Variants in ROBO2 observed in about 807,000 individuals in gnomAD.
The protein encoded by ROBO2 is roundabout homolog 2.
Under a neutral mutation model 160.8 loss-of-function variants are expected in ROBO2, and 53 were observed. The observed-to-expected ratio is 0.33, with a 90% CI of 0.26 to 0.41. The LOEUF (loss-of-function observed/expected upper bound fraction) is 0.41. Among genes scored for constraint, ROBO2 ranks in the 10% least tolerant of loss-of-function variants. ROBO2 has a pLI of 1.00. For synonymous variants in ROBO2, 664 were observed against 611.7 expected (o/e 1.09, Z -1.26); for missense variants, 1,577 against 1,722.4 (o/e 0.92, Z 1.49).
chr3:76,163,075 C>T (rs553108694), intron 2 of ROBO2, among the ~76,000 whole-genome samples: 31 of 152,134 alleles, frequency 2.0e-4, no homozygotes, highest in East Asian at 5.8e-4. Flanking sequence ...TAAAACATTT[C>T]GAGTCTTTCT....
Position 76,709,480 on chromosome 3 carries a change from A to C in ROBO2, c.110-388534A>C, listed in dbSNP as rs78435264. Among the ~76,000 whole-genome samples the C allele has an allele frequency of 3.1e-3, 466 of 152,292 alleles. 1 individual carries two copies. Among genetic ancestry groups the C allele is most frequent in the African/African-American group, 0.011 (449 of 41,554 alleles). Reference sequence around the variant, plus strand: ...TCTTCAGAATCTCCAGAAGATTTTCACTTGTATCTCACCGGCCAGAACTGT... The same window carrying C: ...TCTTCAGAATCTCCAGAAGATTTTCCCTTGTATCTCACCGGCCAGAACTGT... On this transcript the variant is annotated intron_variant, in intron 2 of 26. Coordinates refer to the ROBO2 transcript ENST00000487694.
At chr3:77,313,926 T>G (rs2153424595) in intron 2 of ROBO2, among the ~76,000 whole-genome samples, 1 of 152,338 alleles carries the variant, frequency 6.6e-6, no homozygotes, top group East Asian at 1.9e-4. Context: ...AAAAAAGGTC[T>G]AAGGTCTACC....
At chr3:77,023,553 A>T (rs1171778422) in intron 2 of ROBO2, among the ~76,000 whole-genome samples, 1 of 152,244 alleles carries the variant, frequency 6.6e-6, no homozygotes, top group Non-Finnish European at 1.5e-5. Context: ...GGACAAAAGT[A>T]TGTAGTGATG....
chr3:76,652,434 G>A (rs1439139951), intron 2 of ROBO2, among the ~76,000 whole-genome samples: 5 of 152,092 alleles, frequency 3.3e-5, no homozygotes, highest in Non-Finnish European at 7.4e-5. Flanking sequence ...TTTTATAAGG[G>A]AAAAGCTGAG....
chr3:75,974,574 A>G lies in ROBO2; in HGVS notation c.109+36972A>G, dbSNP rs188024242. ...ATCAACAGACAATTTAACTTTATGA[A>G]TTATGGCTTGTCTTGTAATTCTATG... On this transcript the variant is annotated intron_variant, in intron 2 of 26. Coordinates refer to the ROBO2 transcript ENST00000487694. 4.1e-3 allele frequency among the ~76,000 whole-genome samples: 628 copies of G among 151,760 alleles called. 4 individuals carry two copies. The highest frequency in any genetic ancestry group is 0.014 in the Middle Eastern group (4 of 294).
chr3:76,318,114 A>C (rs1036623838), intron 2 of ROBO2, among the ~76,000 whole-genome samples: 1 of 152,084 alleles, frequency 6.6e-6, no homozygotes, highest in African/African-American at 2.4e-5. Context: ...TTTAATGACA[A>C]ATAGGGAAAA....
intron 2 of ROBO2, among the ~76,000 whole-genome samples, chr3:76,862,220 G>C (rs991386195): frequency 2.6e-5 from 4 of 152,108 alleles, no homozygotes; most frequent in Non-Finnish European, 5.9e-5. Context: ...TACCCAGAAA[G>C]TACTTACATG....
chr3:77,084,244 C>T (rs1281867463), intron 1 of ROBO2, among the ~76,000 whole-genome samples: 1 of 151,934 alleles, frequency 6.6e-6, no homozygotes, highest in African/African-American at 2.4e-5. Context: ...GTTATTATTG[C>T]CTCATTTGAA....
At chr3:77,495,296 T>C (rs188195259) in intron 5 of ROBO2, among the ~76,000 whole-genome samples, 11 of 152,320 alleles carry the variant, frequency 7.2e-5, no homozygotes, top group Non-Finnish European at 1.3e-4. Flanking sequence ...ATAGGAAAGT[T>C]ACAAAAGTTA....
intron 2 of ROBO2, among the ~76,000 whole-genome samples, chr3:77,368,973 G>T (rs185939536): frequency 6.6e-5 from 10 of 152,250 alleles, no homozygotes; most frequent in Admixed American, 2.0e-4. Flanking sequence ...ACTTACGGGG[G>T]TGTTAAAATT....
intron 2 of ROBO2, among the ~76,000 whole-genome samples, chr3:76,805,931 T>C (rs1451521361): frequency 6.6e-6 from 1 of 151,948 alleles, no homozygotes; most frequent in East Asian, 1.9e-4. Context: ...TTCTTTGTAT[T>C]GAGGCTTGTT....
At chr3:76,610,848 C>G (rs759436501) in intron 2 of ROBO2, among the ~76,000 whole-genome samples, 1 of 152,224 alleles carries the variant, frequency 6.6e-6, no homozygotes, top group Non-Finnish European at 1.5e-5. Context: ...CTCTTTTACT[C>G]TCACTGCGCG....
At chr3:76,247,274 C>G (rs1246562810) in intron 2 of ROBO2, among the ~76,000 whole-genome samples, 2 of 152,102 alleles carry the variant, frequency 1.3e-5, no homozygotes, top group Non-Finnish European at 2.9e-5. Context: ...TTTATGGCCA[C>G]TGCTCCAATC....
chr3:77,428,912 T>C (rs11715165), intron 2 of ROBO2, among the ~76,000 whole-genome samples: 1 of 152,140 alleles, frequency 6.6e-6, no homozygotes, highest in South Asian at 2.1e-4. Context: ...TCAAAACTCA[T>C]AGAGTTTGAG....
chr3:77,565,830 A>C (rs923869271), intron 12 of ROBO2, among the ~76,000 whole-genome samples: 1 of 152,086 alleles, frequency 6.6e-6, no homozygotes, highest in Non-Finnish European at 1.5e-5. Context: ...TAATTTCAAA[A>C]TGGAAGATTT....
At chr3:76,632,858 T>A (rs2109489454) in intron 2 of ROBO2, among the ~76,000 whole-genome samples, 1 of 152,336 alleles carries the variant, frequency 6.6e-6, no homozygotes, top group South Asian at 2.1e-4. Context: ...GCTAAATTGC[T>A]GGAGGATCCA....
At chr3:76,440,177 G>A (rs1434120156) in intron 2 of ROBO2, among the ~76,000 whole-genome samples, 1 of 152,060 alleles carries the variant, frequency 6.6e-6, no homozygotes, top group Non-Finnish European at 1.5e-5. Context: ...TAAATAGCAA[G>A]ACCTGGGGTC....
chr3:76,876,792 C>T (rs763157614), intron 2 of ROBO2, among the ~76,000 whole-genome samples: 1 of 151,930 alleles, frequency 6.6e-6, no homozygotes, highest in Non-Finnish European at 1.5e-5. Flanking sequence ...CAAAATAAGA[C>T]CCTATCCAGA....
chr3:76,914,856 G>A (rs1445779163), intron 2 of ROBO2, among the ~76,000 whole-genome samples: 1 of 152,140 alleles, frequency 6.6e-6, no homozygotes, highest in African/African-American at 2.4e-5. Flanking sequence ...TGAAAAACAG[G>A]ACAGGGTGTT....
Sources: gnomAD v4.1 joint callset for allele counts (sites outside exome capture counted in the v4.1 genomes callset) on GRCh38, gnomAD v4.1.1 for gene constraint, MANE v1.5 for transcripts, NCBI Gene and HGNC (gene_info 2026-07-23, HGNC 2026-07-21) for gene names.